The following SYN2 variants were observed in gnomAD, a reference collection of about 807,000 sequenced individuals.
The protein encoded by SYN2 is synapsin-2.
A neutral mutation model predicts 50.9 loss-of-function variants in SYN2; 19 were observed. That is an observed-to-expected ratio of 0.37 (90% CI 0.26 to 0.55). The LOEUF (loss-of-function observed/expected upper bound fraction) is 0.55. Ranked by LOEUF, SYN2 falls within the 20% of genes least tolerant of loss-of-function variation. The pLI, the probability that SYN2 is intolerant of heterozygous loss-of-function variation, is 0.81. For missense variants in SYN2, 587 were observed against 576.4 expected (o/e 1.02, Z -0.19); for synonymous variants, 255 against 224.9 (o/e 1.13, Z -1.20).
intron 1 of SYN2, among the ~76,000 whole-genome samples, chr3:12,062,566 C>T (rs1000469185): frequency 2.6e-5 from 4 of 151,920 alleles, no homozygotes; most frequent in African/African-American, 9.7e-5. Flanking sequence ...AATTGAAAGA[C>T]AAGCCACAGA....
chr3:12,178,028 C>A (rs962932288), intron 10 of SYN2, among the ~76,000 whole-genome samples: 10 of 152,212 alleles, frequency 6.6e-5, no homozygotes, highest in African/African-American at 2.4e-4. Flanking sequence ...GGGGCAAGCC[C>A]AGAAAGATCC....
chr3:12,155,524 C>T (rs1002275944), intron 5 of SYN2, among the ~76,000 whole-genome samples: 1 of 152,180 alleles, frequency 6.6e-6, no homozygotes, highest in African/African-American at 2.4e-5. Flanking sequence ...AGCATACCTT[C>T]TGCAACCACA....
intron 1 of SYN2, among the ~76,000 whole-genome samples, chr3:12,035,044 TATA>T (rs1183280338): frequency 6.6e-6 from 1 of 152,130 alleles, no homozygotes; most frequent in African/African-American, 2.4e-5. Context: ...ATTTCCAAAA[TATA>T]ATGGTGGGAC....
chr3:12,060,484 C>T (rs760274855), intron 1 of SYN2, among the ~76,000 whole-genome samples: 1 of 152,092 alleles, frequency 6.6e-6, no homozygotes, highest in Non-Finnish European at 1.5e-5. Flanking sequence ...GAGAAATACT[C>T]GTGAAGGTGA....
At chr3:12,012,689 T>C (rs1386836904) in intron 1 of SYN2, among the ~76,000 whole-genome samples, 2 of 152,228 alleles carry the variant, frequency 1.3e-5, no homozygotes, top group Admixed American at 6.5e-5. Flanking sequence ...TACCTTAACG[T>C]TGATTTTCTT....
chr3:12,070,716 T>G, intron 1 of SYN2: 2 of 961,462 alleles, frequency 2.1e-6, no homozygotes, highest in South Asian at 2.6e-5. Context: ...ATGGGGTCAC[T>G]CATACAGTGC....
chr3:12,047,692 T>A (rs1694769567), intron 1 of SYN2, among the ~76,000 whole-genome samples: 1 of 151,224 alleles, frequency 6.6e-6, no homozygotes, highest in Non-Finnish European at 1.5e-5. Context: ...GAGAGGCGAG[T>A]GATGGATTGG....
At chr3:12,078,901 G>A (rs754603437) in intron 1 of SYN2, among the ~76,000 whole-genome samples, 27 of 152,140 alleles carry the variant, frequency 1.8e-4, no homozygotes, top group Non-Finnish European at 3.8e-4. Flanking sequence ...GGGGAGTATG[G>A]CTATTTTCAC....
At chr3:12,093,091 A>C (rs1196427085) in intron 1 of SYN2, among the ~76,000 whole-genome samples, 1 of 152,134 alleles carries the variant, frequency 6.6e-6, no homozygotes, top group East Asian at 1.9e-4. Context: ...AATAACATGA[A>C]AGTAATCTTT....
At chr3:12,119,051 G>A (rs969756908) in intron 1 of SYN2, among the ~76,000 whole-genome samples, 3 of 152,058 alleles carry the variant, frequency 2.0e-5, no homozygotes, top group African/African-American at 7.2e-5. Context: ...GTATTGGAAA[G>A]TGCAGCCTTT....
intron 1 of SYN2, among the ~76,000 whole-genome samples, chr3:12,018,604 A>G (rs1330764534): frequency 6.6e-6 from 1 of 152,222 alleles, no homozygotes; most frequent in East Asian, 1.9e-4. Flanking sequence ...TTCTGATACA[A>G]AAGGCCAATG....
chr3:12,056,167 TTG>T (rs1694983105), intron 1 of SYN2, among the ~76,000 whole-genome samples: 5 of 151,874 alleles, frequency 3.3e-5, no homozygotes, highest in South Asian at 2.1e-4. Flanking sequence ...AAGTTGTGTT[TTG>T]TTTTTTTTTT....
At chr3:12,087,341 C>T (rs542748692) in intron 1 of SYN2, among the ~76,000 whole-genome samples, 71 of 151,992 alleles carry the variant, frequency 4.7e-4, no homozygotes, top group Non-Finnish European at 4.7e-4. Context: ...TGTCATTTTT[C>T]ATAGAAATAG....
intron 1 of SYN2, among the ~76,000 whole-genome samples, chr3:12,127,442 G>T (rs752940782): frequency 6.8e-4 from 103 of 152,192 alleles, no homozygotes; most frequent in Non-Finnish European, 1.0e-3. Flanking sequence ...GCCTATGAGA[G>T]GATAGCATCT....
intron 1 of SYN2, among the ~76,000 whole-genome samples, chr3:12,084,879 CTAG>C (rs1695658088): frequency 6.6e-6 from 1 of 152,002 alleles, no homozygotes; most frequent in Admixed American, 6.6e-5. Context: ...GCAAAAACCC[CTAG>C]TAGATACACA....
intron 1 of SYN2, among the ~76,000 whole-genome samples, chr3:12,057,287 C>CTGTCTGTGTGTGTGTGTGTGTG (rs71044259): frequency 2.2e-5 from 3 of 134,004 alleles, no homozygotes; most frequent in East Asian, 2.2e-4. Flanking sequence ...GCAAGACTGT[C>CTGTCTGTGTGTGTGTGTGTGTG]TGTGTGTGTG....
chr3:12,157,279 G>T, intron 5 of SYN2: 1 of 1,020,250 alleles, frequency 9.8e-7, no homozygotes, highest in Non-Finnish European at 1.5e-6. Flanking sequence ...CTAGACCCAA[G>T]GATTACTGAG....
intron 1 of SYN2, among the ~76,000 whole-genome samples, chr3:12,048,465 C>T (rs1382958329): frequency 6.6e-6 from 1 of 152,192 alleles, no homozygotes; most frequent in Non-Finnish European, 1.5e-5. Context: ...AGGGGTGACC[C>T]ACTGTGCCAG....
chr3:12,104,279 T>C (rs1406721790), intron 1 of SYN2, among the ~76,000 whole-genome samples: 5 of 152,196 alleles, frequency 3.3e-5, no homozygotes, highest in Non-Finnish European at 4.4e-5. Flanking sequence ...AGACAAAATA[T>C]GTGTAAGGCA....
Sources: gnomAD v4.1 joint callset for allele counts (sites outside exome capture counted in the v4.1 genomes callset) on GRCh38, gnomAD v4.1.1 for gene constraint, MANE v1.5 for transcripts, NCBI Gene and HGNC (gene_info 2026-07-23, HGNC 2026-07-21) for gene names.